The following NOL4 variants were observed in gnomAD, a reference collection of about 807,000 sequenced individuals.
NOL4 encodes the protein nucleolar protein 4.
In NOL4, 17 loss-of-function variants were observed where a neutral mutation model predicts 75.9. That is an observed-to-expected ratio of 0.22 (90% CI 0.15 to 0.34). The LOEUF is 0.34. Among genes scored for constraint, NOL4 ranks in the 10% least tolerant of loss-of-function variants. NOL4 has a pLI of 1.00. For missense variants in NOL4, 614 were observed against 793.5 expected (o/e 0.77, Z 2.72); for synonymous variants, 292 against 289.9 (o/e 1.01, Z -0.07).
At chr18:33,935,989 A>G (rs1049887557) in intron 9 of NOL4, among the ~76,000 whole-genome samples, 44 of 152,236 alleles carry the variant, frequency 2.9e-4, no homozygotes, top group African/African-American at 1.0e-3. Flanking sequence ...TTAATATCAC[A>G]ATGTCTAAAT....
At chr18:33,929,152 T>C (rs117644884) in intron 9 of NOL4, among the ~76,000 whole-genome samples, 4,462 of 152,246 alleles carry the variant, frequency 0.029, 120 homozygotes, top group Non-Finnish European at 0.039. Context: ...TAGCATGTAC[T>C]TACAGTCTAC....
chr18:34,103,271 C>A (rs1365466139), intron 4 of NOL4, among the ~76,000 whole-genome samples: 8 of 151,956 alleles, frequency 5.3e-5, no homozygotes, highest in Non-Finnish European at 1.2e-4. Flanking sequence ...ATTAACTAGT[C>A]AACAAGGATG....
chr18:34,084,363 G>A (rs747201273), intron 5 of NOL4, among the ~76,000 whole-genome samples: 36 of 152,108 alleles, frequency 2.4e-4, no homozygotes, highest in Non-Finnish European at 4.3e-4. Flanking sequence ...CCCCTGGCTA[G>A]GGATGCTGAA....
At chr18:33,857,498 C>T (rs1029492939) in intron 10 of NOL4, among the ~76,000 whole-genome samples, 1 of 151,922 alleles carries the variant, frequency 6.6e-6, no homozygotes, top group African/African-American at 2.4e-5. Flanking sequence ...GCCAATTCTG[C>T]AGCAAAAATT....
intron 9 of NOL4, among the ~76,000 whole-genome samples, chr18:33,912,798 A>G (rs1017408178): frequency 6.6e-6 from 1 of 152,074 alleles, no homozygotes; most frequent in African/African-American, 2.4e-5. Flanking sequence ...TGCCTAATTC[A>G]TCTATGCATT....
chr18:34,198,577 C>T (rs2035503182), intron 1 of NOL4, among the ~76,000 whole-genome samples: 1 of 151,508 alleles, frequency 6.6e-6, no homozygotes, highest in South Asian at 2.1e-4. Flanking sequence ...TGTATTGATG[C>T]CTGTTTTATA....
chr18:33,975,027 G>T (rs2071381816), intron 6 of NOL4, among the ~76,000 whole-genome samples: 1 of 152,100 alleles, frequency 6.6e-6, no homozygotes. Flanking sequence ...CAACATGGAT[G>T]AATCTTGAGT....
At chr18:33,894,798 A>G (rs1568024265) in intron 9 of NOL4, among the ~76,000 whole-genome samples, 1 of 152,156 alleles carries the variant, frequency 6.6e-6, no homozygotes, top group Non-Finnish European at 1.5e-5. Flanking sequence ...AGAGAGTAGA[A>G]TTATGGTTAC....
At chr18:33,977,060 T>TTAA (rs1385329927) in intron 6 of NOL4, among the ~76,000 whole-genome samples, 2 of 152,030 alleles carry the variant, frequency 1.3e-5, no homozygotes, top group South Asian at 4.1e-4. Flanking sequence ...ATCATCCTCA[T>TTAA]TAATAATAAT....
At chr18:33,981,450 C>A (rs995728163) in intron 6 of NOL4, among the ~76,000 whole-genome samples, 12 of 151,886 alleles carry the variant, frequency 7.9e-5, no homozygotes, top group African/African-American at 2.9e-4. Context: ...GAAAATACAA[C>A]AACTTAGCTA....
At chr18:34,194,540 C>A (rs1044199979) in intron 1 of NOL4, among the ~76,000 whole-genome samples, 6 of 151,658 alleles carry the variant, frequency 4.0e-5, no homozygotes, top group African/African-American at 1.5e-4. Flanking sequence ...TATTAAATTA[C>A]CTCGTAAGTA....
chr18:34,030,373 T>C (rs1271153923), intron 5 of NOL4, among the ~76,000 whole-genome samples: 1 of 152,132 alleles, frequency 6.6e-6, no homozygotes, highest in East Asian at 1.9e-4. Flanking sequence ...GGGTCATGCA[T>C]ATAGTGGGAC....
chr18:34,120,335 C>A (rs934545302), intron 2 of NOL4, among the ~76,000 whole-genome samples: 3 of 152,168 alleles, frequency 2.0e-5, no homozygotes, highest in Non-Finnish European at 4.4e-5. Flanking sequence ...TAAGCTAGCA[C>A]ATATACACAC....
In NOL4 at chr18:34,168,439, CA is replaced by C. The variant is rs563583480; in HGVS notation, c.265-38420del. On this transcript the variant is annotated intron_variant, in intron 1 of 10. Coordinates refer to ENST00000261592, the MANE Select transcript of NOL4 (RefSeq NM_003787.5). ...AAAGGAACTTCTAAAGCAATAGTTT[CA>C]GGGGGGAAAAAAGGTCTGCAGAGTA... Among the ~76,000 whole-genome samples, 431 of 150,812 alleles carry C rather than the reference CA, an allele frequency of 2.9e-3. 2 individuals are homozygous for C. The highest frequency in any genetic ancestry group is 0.01 in the African/African-American group (414 of 41,196).
chr18:33,980,498 G>C (rs1358281061), intron 6 of NOL4, among the ~76,000 whole-genome samples: 1 of 151,934 alleles, frequency 6.6e-6, no homozygotes, highest in Non-Finnish European at 1.5e-5. Flanking sequence ...TATTTTACCA[G>C]AGCCTAAATT....
At chr18:34,004,352 G>A (rs1409620178) in intron 6 of NOL4, among the ~76,000 whole-genome samples, 2 of 151,908 alleles carry the variant, frequency 1.3e-5, no homozygotes, top group African/African-American at 4.8e-5. Flanking sequence ...CTCATATATG[G>A]CTCAAAATAA....
intron 5 of NOL4, among the ~76,000 whole-genome samples, chr18:34,047,371 G>T (rs529387516): frequency 3.3e-4 from 50 of 152,132 alleles, no homozygotes; most frequent in Non-Finnish European, 6.6e-4. Context: ...AACAATCCCA[G>T]TTTCTAAATA....
intron 6 of NOL4, among the ~76,000 whole-genome samples, chr18:33,978,026 C>T (rs2071642490): frequency 6.6e-6 from 1 of 152,062 alleles, no homozygotes. Context: ...TCTCTCCATG[C>T]ATTTTCCATT....
chr18:33,943,837 G>A lies in NOL4; in HGVS notation c.1429-659C>T, dbSNP rs942664367. 6.6e-5 allele frequency among the ~76,000 whole-genome samples: 10 copies of A among 151,798 alleles called. No homozygotes were observed. The South Asian group carries it at 8.3e-4, about 13-fold the overall frequency. On this transcript the variant is annotated intron_variant, in intron 8 of 10. Coordinates refer to ENST00000261592, the MANE Select transcript of NOL4 (RefSeq NM_003787.5). ...ATATGAGCTGATATTTTATAGGGAC[G>A]TGTTGAAATCCATCTTCTATGTAGC...
Sources: allele counts gnomAD v4.1 joint callset (sites outside exome capture counted in the v4.1 genomes callset), GRCh38; gene constraint gnomAD v4.1.1; transcripts MANE v1.5; gene names NCBI Gene and HGNC (gene_info 2026-07-23, HGNC 2026-07-21).